Variants in ZNF385D observed in about 807,000 individuals in gnomAD.
ZNF385D encodes the protein zinc finger protein 385D, also known as zinc finger protein 659.
In ZNF385D, 15 loss-of-function variants were observed where a neutral mutation model predicts 35.8. The ratio of observed to expected loss-of-function variants is 0.42; its 90% CI spans 0.28 to 0.64. ZNF385D has a LOEUF of 0.64. Ranked by LOEUF, ZNF385D falls within the 30% of genes least tolerant of loss-of-function variation. ZNF385D has a pLI of 0.23. For missense variants in ZNF385D, 474 were observed against 494.6 expected, an observed-to-expected ratio of 0.96 and a Z score of 0.39; for synonymous variants, 212 against 186.8, an observed-to-expected ratio of 1.13 and a Z score of -1.10.
At chr3:22,212,901 T>C (rs948661617) in intron 2 of ZNF385D, among the ~76,000 whole-genome samples, 4 of 151,970 alleles carry the variant, frequency 2.6e-5, no homozygotes, top group Admixed American at 6.6e-5. Flanking sequence ...CACAGCCAAA[T>C]TGATAACCTT....
At chr3:21,423,405 G>T (rs1700834349) in intron 7 of ZNF385D, among the ~76,000 whole-genome samples, 1 of 151,996 alleles carries the variant, frequency 6.6e-6, no homozygotes, top group African/African-American at 2.4e-5. Context: ...TGAAAGCTAT[G>T]GTCACTTCAA....
chr3:21,868,448 A>T (rs926355518), intron 3 of ZNF385D, among the ~76,000 whole-genome samples: 1 of 152,156 alleles, frequency 6.6e-6, no homozygotes, highest in Non-Finnish European at 1.5e-5. Flanking sequence ...TTGCTTTAAC[A>T]TTCCCCTTTC....
chr3:21,436,756 C>CAT, intron 5 of ZNF385D: 1 of 563,916 alleles, frequency 1.8e-6, no homozygotes, highest in Non-Finnish European at 3.1e-6. Flanking sequence ...CACACATACA[C>CAT]ACACACCATG....
intron 2 of ZNF385D, among the ~76,000 whole-genome samples, chr3:22,216,217 A>G (rs1200736320): frequency 1.3e-5 from 2 of 151,984 alleles, no homozygotes; most frequent in African/African-American, 2.4e-5. Context: ...TTATGTTAAT[A>G]AAACATTTTT....
chr3:21,725,104 G>C (rs980576819), intron 1 of ZNF385D, among the ~76,000 whole-genome samples: 2 of 152,002 alleles, frequency 1.3e-5, no homozygotes, highest in African/African-American at 4.8e-5. Context: ...ACAAAATGAG[G>C]GCAGAAATAA....
chr3:21,777,403 G>C (rs1221762412), intron 3 of ZNF385D, among the ~76,000 whole-genome samples: 1 of 151,902 alleles, frequency 6.6e-6, no homozygotes, highest in African/African-American at 2.4e-5. Context: ...ATGGTGAGAG[G>C]AGATGGGCAA....
rs201677253 is a variant in ZNF385D at position 22,288,109 on chromosome 3, TA to T, written c.106+84340del. Among the ~76,000 whole-genome samples the T allele has an allele frequency of 9.7e-3, 1,468 of 151,346 alleles. 29 individuals carry two copies. Among genetic ancestry groups the T allele is most frequent in the African/African-American group, 0.033 (1,362 of 41,344 alleles). On this transcript the variant is annotated intron_variant, in intron 2 of 5. Transcript: ENST00000494108. ...TTCTTTATGATTGCAATGTTTTTGC[TA>T]AAAAAAAATCCACTAATAGTTTTAC...
chr3:21,527,920 T>A (rs917119870), intron 3 of ZNF385D, among the ~76,000 whole-genome samples: 1 of 152,192 alleles, frequency 6.6e-6, no homozygotes, highest in African/African-American at 2.4e-5. Context: ...TTCCAAAGAA[T>A]ATATTTTATG....
chr3:21,590,875 C>A (rs2063954901), intron 2 of ZNF385D, among the ~76,000 whole-genome samples: 2 of 151,862 alleles, frequency 1.3e-5, no homozygotes, highest in Non-Finnish European at 2.9e-5. Flanking sequence ...ACATGCTGGA[C>A]CTGGTAACCG....
intron 2 of ZNF385D, among the ~76,000 whole-genome samples, chr3:22,213,898 C>G (rs983594801): frequency 2.6e-5 from 4 of 151,918 alleles, no homozygotes; most frequent in Admixed American, 2.6e-4. Context: ...AGAATTTACA[C>G]CAGAAGAAAA....
intron 2 of ZNF385D, among the ~76,000 whole-genome samples, chr3:21,614,882 C>A (rs758311795): frequency 6.6e-6 from 1 of 152,142 alleles, no homozygotes; most frequent in African/African-American, 2.4e-5. Context: ...CCATCGTGCC[C>A]GGCCCCTGAA....
At chr3:21,640,447 A>C (rs992242191) in intron 2 of ZNF385D, among the ~76,000 whole-genome samples, 2 of 152,112 alleles carry the variant, frequency 1.3e-5, no homozygotes, top group Admixed American at 1.3e-4. Context: ...TCGTATGATG[A>C]AGCCCTAACT....
chr3:22,196,832 C>T (rs941167780), intron 2 of ZNF385D, among the ~76,000 whole-genome samples: 5 of 152,018 alleles, frequency 3.3e-5, no homozygotes, highest in African/African-American at 2.4e-5. Flanking sequence ...TACTAACCTG[C>T]TTTTATCTGA....
chr3:21,584,319 T>A (rs1240180721), intron 2 of ZNF385D, among the ~76,000 whole-genome samples: 1 of 152,194 alleles, frequency 6.6e-6, no homozygotes, highest in African/African-American at 2.4e-5. Flanking sequence ...CTAACTGAAA[T>A]ATTCTGTCTT....
At chr3:21,717,048 G>T (rs554733138) in intron 1 of ZNF385D, among the ~76,000 whole-genome samples, 4 of 152,090 alleles carry the variant, frequency 2.6e-5, no homozygotes, top group African/African-American at 9.7e-5. Flanking sequence ...CAGGAGAATC[G>T]CTTGAACCTG....
At chr3:22,030,278 TATATATA>T (rs1697880098) in intron 3 of ZNF385D, among the ~76,000 whole-genome samples, 8 of 110,472 alleles carry the variant, frequency 7.2e-5, no homozygotes, top group Non-Finnish European at 1.3e-4. Context: ...TATATATATA[TATATATA>T]TATATATATA....
intron 3 of ZNF385D, among the ~76,000 whole-genome samples, chr3:21,975,647 AC>A (rs1342330662): frequency 4.7e-5 from 7 of 148,568 alleles, no homozygotes; most frequent in African/African-American, 1.7e-4. Flanking sequence ...TTATCAAAAT[AC>A]CTCATGTGCC....
intron 2 of ZNF385D, among the ~76,000 whole-genome samples, chr3:22,216,369 G>A (rs1248375054): frequency 1.3e-5 from 2 of 151,992 alleles, no homozygotes; most frequent in Non-Finnish European, 2.9e-5. Flanking sequence ...AAATTGCTAT[G>A]GGAACGCAGA....
At chr3:21,986,118 G>C (rs1694789323) in intron 3 of ZNF385D, among the ~76,000 whole-genome samples, 1 of 89,968 alleles carries the variant, frequency 1.1e-5, no homozygotes, top group Admixed American at 1.0e-4. Flanking sequence ...CAAAAAACCA[G>C]CTCCTGGATT....
Sources: gnomAD v4.1 joint callset for allele counts (sites outside exome capture counted in the v4.1 genomes callset) on GRCh38, gnomAD v4.1.1 for gene constraint, MANE v1.5 for transcripts, NCBI Gene and HGNC (gene_info 2026-07-23, HGNC 2026-07-21) for gene names.